Variants in SEMA3E observed in about 807,000 individuals in gnomAD.
The protein encoded by SEMA3E is semaphorin 3E, also known as semaphorin-3E.
A neutral mutation model predicts 93.6 loss-of-function variants in SEMA3E; 49 were observed. The ratio of observed to expected loss-of-function variants is 0.52; its 90% CI spans 0.42 to 0.66. The LOEUF (loss-of-function observed/expected upper bound fraction) is 0.66. Among genes scored for constraint, SEMA3E ranks in the 30% least tolerant of loss-of-function variants. SEMA3E has a pLI of 0.00. For synonymous variants in SEMA3E, 363 were observed against 330.7 expected, an observed-to-expected ratio of 1.10 and a Z score of -1.06; for missense variants, 906 against 964.8, an observed-to-expected ratio of 0.94 and a Z score of 0.81.
intron 4 of SEMA3E, among the ~76,000 whole-genome samples, chr7:83,419,578 A>T (rs2115699515): frequency 6.6e-6 from 1 of 152,234 alleles, no homozygotes; most frequent in African/African-American, 2.4e-5. Context: ...TTTTCTCCAC[A>T]GCCTCTCTGA....
At chr7:83,376,324 G>C (rs1479612920) in intron 16 of SEMA3E, among the ~76,000 whole-genome samples, 1 of 151,938 alleles carries the variant, frequency 6.6e-6, no homozygotes, top group Admixed American at 6.6e-5. Flanking sequence ...AAACAAAATG[G>C]TAAAATAAAA....
intron 1 of SEMA3E, among the ~76,000 whole-genome samples, chr7:83,518,376 A>C (rs768700859): frequency 1.3e-4 from 20 of 152,136 alleles, no homozygotes; most frequent in Non-Finnish European, 2.2e-4. Context: ...AAAGGAAAAA[A>C]AAAATACAAG....
chr7:83,388,562 C>T (rs1787930459), intron 14 of SEMA3E, among the ~76,000 whole-genome samples: 1 of 151,792 alleles, frequency 6.6e-6, no homozygotes, highest in African/African-American at 2.4e-5. Flanking sequence ...TTCTTCAAGA[C>T]TGAGGGAAAA....
intron 1 of SEMA3E, among the ~76,000 whole-genome samples, chr7:83,571,620 C>T (rs1228737835): frequency 6.6e-6 from 1 of 152,162 alleles, no homozygotes; most frequent in African/African-American, 2.4e-5. Flanking sequence ...CAACATCATA[C>T]TGAATGAGCA....
intron 1 of SEMA3E, among the ~76,000 whole-genome samples, chr7:83,640,125 C>A (rs1368594776): frequency 1.3e-5 from 2 of 151,740 alleles, no homozygotes; most frequent in East Asian, 3.9e-4. Flanking sequence ...CCTCAGCTGA[C>A]CTCTGTTTTC....
intron 1 of SEMA3E, among the ~76,000 whole-genome samples, chr7:83,617,584 AT>A (rs1289980560): frequency 4.1e-5 from 6 of 146,890 alleles, no homozygotes; most frequent in Non-Finnish European, 7.5e-5. Context: ...GTAATATATA[AT>A]TTTATATAAA....
intron 1 of SEMA3E, among the ~76,000 whole-genome samples, chr7:83,575,646 C>A (rs1303357539): frequency 6.6e-6 from 1 of 152,154 alleles, no homozygotes; most frequent in East Asian, 1.9e-4. Flanking sequence ...AACAGATCTG[C>A]TTTCACTGGT....
chr7:83,407,213 T>TGA lies in SEMA3E; in HGVS notation c.696_697insTC (p.Ile233SerfsTer40). 6.2e-7 allele frequency: 1 copy of TGA among 1,613,334 alleles called. No individual in the cohort carries two copies. The highest frequency in any genetic ancestry group is 1.7e-5 in the Admixed American group (1 of 59,864). On this transcript the variant is annotated frameshift_variant, in exon 7 of 17. Coordinates refer to ENST00000643230, the MANE Select transcript of SEMA3E (RefSeq NM_012431.3). LOFTEE classifies it high-confidence loss of function. ...TCATCTCTGTCTTCATTGTCAGGAA[T>TGA]CATGTATGAACCTACAAATTTTGGT... is the stretch of plus-strand genomic sequence containing the variant.
At chr7:83,427,188 C>G (rs1584241515) in intron 4 of SEMA3E, among the ~76,000 whole-genome samples, 1 of 151,608 alleles carries the variant, frequency 6.6e-6, no homozygotes, top group South Asian at 2.1e-4. Context: ...TTCTTCCTTC[C>G]TTCCTTTCCT....
At chr7:83,387,880 TTATA>T (rs60452250) in intron 14 of SEMA3E, among the ~76,000 whole-genome samples, 2 of 145,094 alleles carry the variant, frequency 1.4e-5, no homozygotes, top group East Asian at 3.9e-4. Flanking sequence ...ATATATATGT[TTATA>T]TATATATAAC....
At chr7:83,627,469 G>A (rs115805649) in intron 1 of SEMA3E, among the ~76,000 whole-genome samples, 100 of 151,692 alleles carry the variant, frequency 6.6e-4, no homozygotes, top group Middle Eastern at 3.4e-3. Context: ...AGGATAGTTA[G>A]CGAATCTGGG....
chr7:83,642,061 A>T (rs1010061004), intron 1 of SEMA3E, among the ~76,000 whole-genome samples: 2 of 152,170 alleles, frequency 1.3e-5, no homozygotes, highest in African/African-American at 4.8e-5. Context: ...TGAAATTCGA[A>T]TGTAAGAGTG....
chr7:83,449,203 G>A (rs1258609323), intron 4 of SEMA3E, among the ~76,000 whole-genome samples: 2 of 151,794 alleles, frequency 1.3e-5, no homozygotes, highest in African/African-American at 2.4e-5. Context: ...GGGCTCAAGT[G>A]ATCCTGCTAC....
intron 4 of SEMA3E, among the ~76,000 whole-genome samples, chr7:83,422,328 G>A (rs1270114054): frequency 6.6e-6 from 1 of 152,120 alleles, no homozygotes; most frequent in African/African-American, 2.4e-5. Context: ...AGCATGAATG[G>A]CAGTAGAGAG....
In SEMA3E at chr7:83,366,477, C is replaced by G. The variant is rs28581435; in HGVS notation, c.*1109G>C. The G allele has an allele frequency of 6.6e-6, 1 of 151,826 alleles. No individual in the cohort carries two copies. The highest frequency in any genetic ancestry group is 1.5e-5 in the Non-Finnish European group (1 of 67,840). 9.4% of individuals were successfully genotyped at this position (151,826 alleles called of 1,614,324 possible). A position where few individuals can be genotyped will look rare whatever the true frequency, so the allele number is the denominator to read the frequency against. ...GAGAAGAAAATTTGATATTTGAGAG[C>G]AAATCACTTTAATATTTTTTTCACA... On this transcript the variant is annotated 3_prime_UTR_variant, in exon 17 of 17. Coordinates refer to ENST00000643230, the MANE Select transcript of SEMA3E (RefSeq NM_012431.3).
intron 2 of SEMA3E, among the ~76,000 whole-genome samples, chr7:83,482,820 A>C (rs1445551157): frequency 6.6e-6 from 1 of 152,182 alleles, no homozygotes. Flanking sequence ...ACCTTCTCCA[A>C]ATCTAGGTTA....
At chr7:83,412,299 TTGTG>T (rs1788452333) in intron 5 of SEMA3E, among the ~76,000 whole-genome samples, 1 of 152,086 alleles carries the variant, frequency 6.6e-6, no homozygotes, top group Non-Finnish European at 1.5e-5. Context: ...TATTGACTCC[TTGTG>T]TGTTTGAAAT....
At chr7:83,459,917 C>T (rs1431777713) in intron 4 of SEMA3E, among the ~76,000 whole-genome samples, 2 of 152,174 alleles carry the variant, frequency 1.3e-5, no homozygotes, top group African/African-American at 4.8e-5. Flanking sequence ...CACCTTGCGA[C>T]CCCCACTCCT....
intron 4 of SEMA3E, among the ~76,000 whole-genome samples, chr7:83,422,485 C>A (rs1331787169): frequency 6.6e-6 from 1 of 152,178 alleles, no homozygotes; most frequent in Admixed American, 6.5e-5. Flanking sequence ...CACATCATTT[C>A]ATGGAGGAGG....
Sources: gnomAD v4.1 joint callset for allele counts (sites outside exome capture counted in the v4.1 genomes callset) on GRCh38, gnomAD v4.1.1 for gene constraint, MANE v1.5 for transcripts, NCBI Gene and HGNC (gene_info 2026-07-23, HGNC 2026-07-21) for gene names.